CAND2: variants seen among roughly 807,000 people sequenced by gnomAD.
CAND2 encodes the protein cullin-associated NEDD8-dissociated protein 2.
Under a neutral mutation model 98.9 loss-of-function variants are expected in CAND2, and 62 were observed. The observed-to-expected ratio is 0.63, with a 90% CI of 0.51 to 0.77. CAND2 has a LOEUF of 0.77. CAND2 is among the 30% of genes least tolerant of loss of function. The probability of loss-of-function intolerance (pLI) is 0.00; values close to 1 mark genes in which losing one functional copy is unlikely to be tolerated. For missense variants in CAND2, 1,501 were observed against 1,655.2 expected, an observed-to-expected ratio of 0.91 and a Z score of 1.62; for synonymous variants, 770 against 731.9, an observed-to-expected ratio of 1.05 and a Z score of -0.84.
Position 12,810,355 on chromosome 3 carries a change from G to A in CAND2, c.757+31G>A, listed in dbSNP as rs1254643015. ...GGGGCAGGGGGCGGGGCCTGGGCTG[G>A]CATGGTGGGCGGAGCTTAGGGTGAG... On this transcript the variant is annotated intron_variant, in intron 5 of 14. Transcript: ENST00000456430. The A allele has an allele frequency of 3.6e-6, 5 of 1,404,530 alleles. No individual in the cohort carries two copies. In the South Asian group the frequency reaches 4.7e-5, roughly 13 times the overall value. 87.0% of individuals were successfully genotyped at this position (1,404,530 alleles called of 1,614,324 possible).
At position 12,815,556 on chromosome 3, in the gene CAND2, T is replaced by A; in HGVS notation, c.1299+123T>A. 2.0e-5 allele frequency: 11 copies of A among 550,406 alleles called. No individual in the cohort carries two copies. Among genetic ancestry groups the A allele is most frequent in the Non-Finnish European group, 3.3e-5 (11 of 336,544 alleles). 34.1% of individuals were successfully genotyped at this position (550,406 alleles called of 1,614,324 possible). ...CAGCCATGGAAGGGAAGGGAAGGGG[T>A]CCCTGGGGTGGGGGGCGGGAGCCAG... On this transcript the variant is annotated intron_variant, in intron 8 of 14. Transcript: ENST00000456430. The surrounding 1 kb of genome is among the most constrained non-coding windows in gnomAD (Gnocchi z 5.7).
At chr3:12,833,723 A>C (rs942173883) in intron 14 of CAND2, 32 bp from the exon 15 acceptor site, 2 of 1,578,968 alleles carry the variant, frequency 1.3e-6, no homozygotes. Flanking sequence ...GGCTCAATAA[A>C]GGATGGCTGC....
At chr3:12,809,965 G>T in intron 4 of CAND2, 94 bp from the exon 5 acceptor site, 1 of 1,348,736 alleles carries the variant, frequency 7.4e-7, no homozygotes. Context: ...CATAATCCTG[G>T]GAAGGAGGCC....
rs764012033 is a variant in CAND2 at position 12,817,109 on chromosome 3, C to A, written c.2177C>A (p.Pro726Gln). Residue 726 changes from proline (P) to glutamine (Q), a missense_variant, in exon 10 of 15, where the codon CCA becomes CAA. Pro to Gln is a moderately conservative substitution (Grantham distance 76, BLOSUM62 -1). This residue lies in a region of CAND2 where 1,427 missense variants were observed against 1,545.3 expected (regional missense o/e 0.92). Coordinates refer to ENST00000456430, the MANE Select transcript of CAND2 (RefSeq NM_001162499.2). ...CTTGCCACAGTGACCCAGGCCCAGC[C>A]AGCCTCTTTGGTGGAGGTCAGTGGC... The part of the protein sequence containing the change: ...DFLATVTQAQ[P>Q]ASLVEVSGPV... 1 of 1,613,074 alleles carries A rather than the reference C, an allele frequency of 6.2e-7. No individual in the cohort carries two copies. The highest frequency in any genetic ancestry group is 1.1e-5 in the South Asian group (1 of 91,082).
chr3:12,805,291 C>CT (rs1188131385), intron 2 of CAND2, among the ~76,000 whole-genome samples: 228 of 140,464 alleles, frequency 1.6e-3, no homozygotes, highest in South Asian at 3.7e-3. Flanking sequence ...TTTTTTTCTT[C>CT]TTTTTTTTTT....
chr3:12,810,707 A>C (rs1432367828), intron 5 of CAND2, among the ~76,000 whole-genome samples: 1 of 152,230 alleles, frequency 6.6e-6, no homozygotes, highest in African/African-American at 2.4e-5. Flanking sequence ...AAACTGTTAG[A>C]CTATGTTCTC....
chr3:12,806,520 G>A (rs908711235), intron 2 of CAND2, among the ~76,000 whole-genome samples: 3 of 152,090 alleles, frequency 2.0e-5, no homozygotes, highest in African/African-American at 7.2e-5. Flanking sequence ...TGTCAGCCTC[G>A]ACTGCATGTT....
intron 2 of CAND2, among the ~76,000 whole-genome samples, chr3:12,804,506 G>A (rs911611914): frequency 2.6e-5 from 4 of 152,114 alleles, no homozygotes; most frequent in African/African-American, 9.7e-5. Context: ...CATGGGACTG[G>A]GAGAGGTCCT....
intron 10 of CAND2, 68 bp downstream of exon 10, chr3:12,817,944 C>T: frequency 7.2e-7 from 1 of 1,386,308 alleles, no homozygotes; most frequent in Non-Finnish European, 9.6e-7. Flanking sequence ...AGCATCCAGG[C>T]AGCTGGGGCA....
intron 11 of CAND2, among the ~76,000 whole-genome samples, chr3:12,825,113 TTTC>T (rs1371137765): frequency 2.7e-5 from 4 of 149,046 alleles, no homozygotes; most frequent in Non-Finnish European, 6.0e-5. Flanking sequence ...AAAAAATTTT[TTTC>T]TTTTTTTTTT....
chr3:12,807,376 A>C lies in CAND2; in HGVS notation c.283A>C (p.Met95Leu), dbSNP rs776760158. 1.0e-5 allele frequency: 16 copies of C among 1,551,626 alleles called. No individual in the cohort carries two copies. Among genetic ancestry groups the C allele is most frequent in the Non-Finnish European group, 1.4e-5 (16 of 1,146,988 alleles). The stretch of plus-strand genomic sequence containing the variant: ...CATTGTGGACACCCTGTGCACCAAC[A>C]TGCGGTCAGACAAGGAGCAGCTGCG... ...ETIVDTLCTN[M>L]RSDKEQLRDI... The change falls in exon 3 of 15, where the codon ATG (methionine) becomes CTG (leucine). Residue 95 changes from methionine to leucine, a missense_variant. Transcript: ENST00000456430.
rs1426870655 is a variant in CAND2 at position 12,825,591 on chromosome 3, G to A, written c.3162G>A (p.Leu1054=). The A allele has an allele frequency of 1.2e-6, 2 of 1,610,280 alleles. No individual in the cohort carries two copies. Among genetic ancestry groups the A allele is most frequent in the Non-Finnish European group, 1.7e-6 (2 of 1,178,512 alleles). The change falls in exon 12 of 15, where the codon CTG becomes CTA. Residue 1054 remains leucine, a synonymous_variant. Coordinates refer to ENST00000456430, the MANE Select transcript of CAND2 (RefSeq NM_001162499.2). ...TCCGGGACCTGCTGGATGACATCCT[G>A]CCCCTCCTCTACCAGGAGACAAAGA... ...SLVRDLLDDI[L]PLLYQETKIR...
At chr3:12,830,151 C>T (rs148618993) in intron 13 of CAND2, among the ~76,000 whole-genome samples, 1,599 of 152,248 alleles carry the variant, frequency 0.011, 13 homozygotes, top group Middle Eastern at 0.02. Flanking sequence ...GCCTGTCTCC[C>T]CCTCGGCTTT....
rs531439250 is a variant in CAND2, at chr3:12,812,221, C to CTTTTTTTT, written c.758-757_758-750dup. Among the ~76,000 whole-genome samples, 40 of 74,502 alleles carry CTTTTTTTT rather than the reference C, an allele frequency of 5.4e-4. 3 individuals carry two copies. Among genetic ancestry groups the CTTTTTTTT allele is most frequent in the African/African-American group, 1.4e-3 (25 of 17,390 alleles). 48.9% of individuals were successfully genotyped at this position (74,502 alleles called of 152,430 possible). ...ACCATGCCCGGCCTAAGCTGTTTAT[C>CTTTTTTTT]TTTTTTTTTTTTTTTTTTTGGAGAT... On this transcript the variant is annotated intron_variant, in intron 5 of 14. Transcript: ENST00000456430.
intron 1 of CAND2, among the ~76,000 whole-genome samples, chr3:12,802,196 C>T (rs13317007): frequency 0.02 from 2,994 of 152,164 alleles, 95 homozygotes; most frequent in African/African-American, 0.068. Flanking sequence ...GCGTGGTGGC[C>T]GGCACCTGTA....
At chr3:12,804,181 C>T (rs1039208147) in intron 2 of CAND2, among the ~76,000 whole-genome samples, 1 of 152,016 alleles carries the variant, frequency 6.6e-6, no homozygotes, top group African/African-American at 2.4e-5. Context: ...AGGCTGGGTG[C>T]GGTGGCTCAT....
At chr3:12,805,428 C>T (rs2124838273) in intron 2 of CAND2, among the ~76,000 whole-genome samples, 1 of 152,148 alleles carries the variant, frequency 6.6e-6, no homozygotes, top group East Asian at 1.9e-4. Context: ...GCTGACATTA[C>T]AGGCATGCAC....
intron 1 of CAND2, among the ~76,000 whole-genome samples, chr3:12,798,520 G>C (rs185467877): frequency 6.6e-6 from 1 of 152,182 alleles, no homozygotes; most frequent in African/African-American, 2.4e-5. Flanking sequence ...TGCACCCCAC[G>C]TGTAATCTCA....
chr3:12,833,938 G>A lies in CAND2; in HGVS notation c.3667G>A (p.Asp1223Asn), dbSNP rs375589512. ...LAALFESIQK[D>N]SASAPSTDSM... Reference sequence around the variant, plus strand: ...TGCCCTCTTTGAAAGCATCCAGAAGGATTCCGCTTCAGCCCCCAGCACAGA... The same window carrying A: ...TGCCCTCTTTGAAAGCATCCAGAAGAATTCCGCTTCAGCCCCCAGCACAGA... The change falls in exon 15 of 15, where the codon GAT becomes AAT. Residue 1223 changes from aspartate to asparagine, a missense_variant. This residue lies in a region of CAND2 where 1,427 missense variants were observed against 1,545.3 expected (regional missense o/e 0.92). Coordinates refer to ENST00000456430, the MANE Select transcript of CAND2 (RefSeq NM_001162499.2). 6.2e-7 allele frequency: 1 copy of A among 1,614,064 alleles called. No individual in the cohort carries two copies. The highest frequency in any genetic ancestry group is 1.3e-5 in the African/African-American group (1 of 74,916).
Sources: allele counts gnomAD v4.1 joint callset (sites outside exome capture counted in the v4.1 genomes callset), GRCh38; gene constraint gnomAD v4.1.1; regional missense constraint gnomAD v4.1.1; non-coding constraint Gnocchi (gnomAD v3.1); transcripts MANE v1.5; gene names NCBI Gene and HGNC (gene_info 2026-07-23, HGNC 2026-07-21).